Variants in FAM135B observed in about 807,000 individuals in gnomAD.
FAM135B encodes protein FAM135B.
A neutral mutation model predicts 127.7 loss-of-function variants in FAM135B; 43 were observed. That is an observed-to-expected ratio of 0.34 (90% CI 0.26 to 0.43). The LOEUF (loss-of-function observed/expected upper bound fraction) is 0.43. FAM135B is among the 20% of genes least tolerant of loss of function. FAM135B has a pLI of 1.00. For synonymous variants in FAM135B, 670 were observed against 665.1 expected (o/e 1.01, Z -0.11); for missense variants, 1,558 against 1,725.6 (o/e 0.90, Z 1.72).
chr8:138,193,476 A>G (rs1217270248), intron 9 of FAM135B, among the ~76,000 whole-genome samples: 1 of 152,196 alleles, frequency 6.6e-6, no homozygotes, highest in Non-Finnish European at 1.5e-5. Flanking sequence ...ATAGTCACGA[A>G]TCAGCTCTTC....
rs145643926 is a variant in FAM135B, at chr8:138,262,294, A to G, written c.297+3409T>C. Among the ~76,000 whole-genome samples the G allele has an allele frequency of 4.1e-3, 632 of 152,296 alleles. 1 individual carries two copies. Among genetic ancestry groups the G allele is most frequent in the Non-Finnish European group, 7.0e-3 (479 of 68,010 alleles). ...GGCCAGGATACCTGAATAATGCCCA[A>G]ACCCAGCCTCCATCACTGGTTTGTC... On this transcript the variant is annotated intron_variant, in intron 4 of 19. Coordinates refer to ENST00000395297, the MANE Select transcript of FAM135B (RefSeq NM_015912.4).
chr8:138,473,905 G>A (rs1250579522), intron 1 of FAM135B, among the ~76,000 whole-genome samples: 1 of 152,158 alleles, frequency 6.6e-6, no homozygotes, highest in Non-Finnish European at 1.5e-5. Flanking sequence ...TTGTATAAGT[G>A]TGCATAAAAC....
chr8:138,445,082 ACC>A (rs1836042661), intron 1 of FAM135B, among the ~76,000 whole-genome samples: 1 of 152,118 alleles, frequency 6.6e-6, no homozygotes, highest in Non-Finnish European at 1.5e-5. Flanking sequence ...CGACACATAC[ACC>A]CTCCCAAGAC....
intron 1 of FAM135B, among the ~76,000 whole-genome samples, chr8:138,444,724 A>T (rs1836009712): frequency 6.6e-6 from 1 of 152,190 alleles, no homozygotes; most frequent in Non-Finnish European, 1.5e-5. Flanking sequence ...TGACACCCTA[A>T]CATCACAATT....
intron 7 of FAM135B, among the ~76,000 whole-genome samples, chr8:138,199,212 C>T (rs997934536): frequency 9.9e-5 from 15 of 152,178 alleles, no homozygotes; most frequent in African/African-American, 3.4e-4. Context: ...CAGATAATGA[C>T]GGGCACTATT....
At chr8:138,168,268 T>C (rs1352146582) in intron 11 of FAM135B, among the ~76,000 whole-genome samples, 1 of 152,192 alleles carries the variant, frequency 6.6e-6, no homozygotes, top group Non-Finnish European at 1.5e-5. Context: ...ACATGGATTG[T>C]AGGATTAGCA....
chr8:138,280,778 G>A (rs1824205393), intron 3 of FAM135B, among the ~76,000 whole-genome samples: 1 of 152,182 alleles, frequency 6.6e-6, no homozygotes, highest in Non-Finnish European at 1.5e-5. Context: ...TCACAAGGGA[G>A]GAGAGCACTA....
chr8:138,195,182 CAGCA>C, intron 9 of FAM135B, 72 bp downstream of exon 9: 1 of 1,441,078 alleles, frequency 6.9e-7, no homozygotes, highest in Non-Finnish European at 9.6e-7. Context: ...CTGTTTTTTA[CAGCA>C]AGCAAGCAAC....
chr8:138,420,857 A>G (rs568317641), intron 1 of FAM135B, among the ~76,000 whole-genome samples: 1 of 152,328 alleles, frequency 6.6e-6, no homozygotes, highest in South Asian at 2.1e-4. Context: ...ATAACAAGAG[A>G]TGTCTAAGGC....
chr8:138,291,014 A>G (rs1332927006), intron 3 of FAM135B, among the ~76,000 whole-genome samples: 1 of 152,190 alleles, frequency 6.6e-6, no homozygotes, highest in East Asian at 1.9e-4. Context: ...CAGGAGGCTC[A>G]GGGACCTGGA....
At chr8:138,492,137 T>C (rs913953828) in intron 1 of FAM135B, among the ~76,000 whole-genome samples, 1 of 152,128 alleles carries the variant, frequency 6.6e-6, no homozygotes, top group Non-Finnish European at 1.5e-5. Flanking sequence ...GGAAGCAGAA[T>C]AGAGGCAGGG....
At chr8:138,465,057 C>T (rs1365501416) in intron 1 of FAM135B, among the ~76,000 whole-genome samples, 2 of 152,168 alleles carry the variant, frequency 1.3e-5, no homozygotes, top group Non-Finnish European at 2.9e-5. Flanking sequence ...AAATTGGAGG[C>T]TGCTGTTTCA....
chr8:138,343,711 C>T (rs990481093), intron 2 of FAM135B, among the ~76,000 whole-genome samples: 3 of 152,198 alleles, frequency 2.0e-5, no homozygotes, highest in Admixed American at 6.5e-5. Flanking sequence ...ACCTCCCAAA[C>T]GTGTCTACTG....
At chr8:138,246,640 T>C (rs1821310869) in intron 6 of FAM135B, among the ~76,000 whole-genome samples, 1 of 152,188 alleles carries the variant, frequency 6.6e-6, no homozygotes, top group African/African-American at 2.4e-5. Flanking sequence ...GGAGAATCTC[T>C]GCTAGGGCAG....
intron 3 of FAM135B, among the ~76,000 whole-genome samples, chr8:138,293,074 T>G (rs920815801): frequency 6.6e-6 from 1 of 152,106 alleles, no homozygotes; most frequent in African/African-American, 2.4e-5. Context: ...TGGAAAAGAA[T>G]AGAGAACTCA....
chr8:138,408,982 GT>G (rs1833696419), intron 1 of FAM135B, among the ~76,000 whole-genome samples: 1 of 152,126 alleles, frequency 6.6e-6, no homozygotes, highest in Non-Finnish European at 1.5e-5. Flanking sequence ...CTTTTCATCT[GT>G]TAACTGAAAA....
intron 2 of FAM135B, among the ~76,000 whole-genome samples, chr8:138,349,637 T>C (rs1364864188): frequency 1.1e-5 from 1 of 93,608 alleles, no homozygotes; most frequent in Non-Finnish European, 2.2e-5. Context: ...TGATGAGAGA[T>C]AAAATAGATG....
intron 2 of FAM135B, among the ~76,000 whole-genome samples, chr8:138,346,378 T>C (rs768834894): frequency 6.6e-6 from 1 of 152,168 alleles, no homozygotes; most frequent in Admixed American, 6.6e-5. Context: ...AGTTCACAAA[T>C]GCAGCACTAT....
chr8:138,294,938 C>G (rs1019307952), intron 3 of FAM135B, among the ~76,000 whole-genome samples: 1 of 152,066 alleles, frequency 6.6e-6, no homozygotes, highest in Non-Finnish European at 1.5e-5. Flanking sequence ...TGCTGTATTT[C>G]CCATATAAGT....
Sources: gnomAD v4.1 joint callset for allele counts (sites outside exome capture counted in the v4.1 genomes callset) on GRCh38, gnomAD v4.1.1 for gene constraint, MANE v1.5 for transcripts, NCBI Gene and HGNC (gene_info 2026-07-23, HGNC 2026-07-21) for gene names.